Variants in ZNF594 observed in about 807,000 individuals in gnomAD.
ZNF594 encodes zinc finger protein 594.
For missense variants in ZNF594, 1,037 were observed against 964.6 expected, an observed-to-expected ratio of 1.08 and a Z score of -0.99; for synonymous variants, 336 against 309.4, an observed-to-expected ratio of 1.09 and a Z score of -0.90.
Position 5,182,074 on chromosome 17 carries a change from C to G in ZNF594, c.2183G>C (p.Arg728Thr). The change falls in exon 2 of 2, where the codon AGA (arginine) becomes ACA (threonine). Residue 728 changes from arginine to threonine, a missense_variant. Arg to Thr is a moderately conservative substitution (Grantham distance 71). Coordinates refer to ENST00000575779, the MANE Select transcript of ZNF594 (RefSeq NM_032530.2). ...MWHTAFLKHQRLHAGEKLEEC... is the reference protein window; with the variant it reads ...MWHTAFLKHQTLHAGEKLEEC... The stretch of plus-strand genomic sequence containing the variant: ...TTCAAGTTTCTCTCCAGCATGCAGT[C>G]TCTGATGTTTGAGGAAAGCCGTGTG... 1 of 1,613,690 alleles carries G rather than the reference C, an allele frequency of 6.2e-7. No individual in the cohort carries two copies. The highest frequency in any genetic ancestry group is 1.1e-5 in the South Asian group (1 of 91,074).
downstream of ZNF594, among the ~76,000 whole-genome samples, chr17:5,177,705 A>G (rs1462603191): frequency 6.6e-6 from 1 of 152,052 alleles, no homozygotes; most frequent in Admixed American, 6.6e-5. Flanking sequence ...GGGTGGTGGC[A>G]CGCACCTGTA....
chr17:5,183,661 A>C lies in ZNF594; in HGVS notation c.596T>G (p.Val199Gly), dbSNP rs3853648. 5.5e-3 allele frequency: 8,869 copies of C among 1,614,144 alleles called. 396 individuals carry two copies. The African/African-American group carries it at 0.099, about 18-fold the overall frequency. Residue 199 changes from valine to glycine, a missense_variant, in exon 2 of 2, where the codon GTG becomes GGG. By Grantham distance (109) the Val-to-Gly change is moderately radical. Coordinates refer to ENST00000575779, the MANE Select transcript of ZNF594 (RefSeq NM_032530.2). ...GKDFNQSSNL[V>G]RHKQIHSGGN... The stretch of plus-strand genomic sequence containing the variant: ...ACCACTGTGAATTTGCTTATGTCTC[A>C]CCAGATTGGAGCTCTGATTGAAGTC...
chr17:5,181,615 A>T lies in ZNF594; in HGVS notation c.*218T>A. ...TGAATAAGGAGTGAACGCCGCCTGAAGGCTTTTTCACATTCAGTGCACTGA... is the reference window on the plus strand; with the variant it reads ...TGAATAAGGAGTGAACGCCGCCTGATGGCTTTTTCACATTCAGTGCACTGA... On this transcript the variant is annotated 3_prime_UTR_variant, in exon 2 of 2. Transcript: ENST00000575779. 6.2e-7 allele frequency: 1 copy of T among 1,604,684 alleles called. No individual in the cohort carries two copies. The highest frequency in any genetic ancestry group is 1.7e-5 in the Admixed American group (1 of 60,004).
chr17:5,190,229 G>A (rs958441541), intron 1 of ZNF594, among the ~76,000 whole-genome samples: 8 of 152,128 alleles, frequency 5.3e-5, no homozygotes, highest in South Asian at 2.1e-4. Context: ...TTAGCTGGGC[G>A]TGGTGGCACA....
chr17:5,179,274 G>A (rs1021805165), downstream of ZNF594, among the ~76,000 whole-genome samples: 18 of 146,466 alleles, frequency 1.2e-4, no homozygotes, highest in African/African-American at 3.0e-4. Flanking sequence ...TCACCAGGCC[G>A]GAGACGTTGG....
the ZNF594 span, chr17:5,174,131 T>A: frequency 6.0e-5 from 12 of 199,938 alleles, no homozygotes; most frequent in Admixed American, 3.6e-4. Flanking sequence ...TGTCTTTTTT[T>A]AAATTTTACA....
intron 1 of ZNF594, among the ~76,000 whole-genome samples, chr17:5,186,851 C>T (rs2074389328): frequency 6.6e-6 from 1 of 152,218 alleles, no homozygotes. Context: ...CACCTCTGCT[C>T]CAGTTCCCGA....
chr17:5,180,834 C>A lies in ZNF594; in HGVS notation c.*999G>T. ...TCCAGTAGGTATTTTCTCTGCTTTC[C>A]CACCTTCCCATGGTTTTTTTCTAAT... On this transcript the variant is annotated 3_prime_UTR_variant, in exon 2 of 2. Coordinates refer to ENST00000575779, the MANE Select transcript of ZNF594 (RefSeq NM_032530.2). 1 of 405,018 alleles carries A rather than the reference C, an allele frequency of 2.5e-6. No homozygotes were observed. 25.1% of individuals were successfully genotyped at this position (405,018 alleles called of 1,614,324 possible). A position where few individuals can be genotyped will look rare whatever the true frequency, so the allele number is the denominator to read the frequency against.
Position 5,181,583 on chromosome 17 carries a change from C to T in ZNF594, c.*250G>A, listed in dbSNP as rs1233586570. On this transcript the variant is annotated 3_prime_UTR_variant, in exon 2 of 2. Coordinates refer to ENST00000575779, the MANE Select transcript of ZNF594 (RefSeq NM_032530.2). ...AGGGTTTCTCACCACTATGAATTCT[C>T]CGACGTTGAATAAGGAGTGAACGCC... 5.0e-6 allele frequency: 8 copies of T among 1,613,456 alleles called. No individual in the cohort carries two copies. In the East Asian group the frequency reaches 1.8e-4, roughly 36 times the overall value.
intron 1 of ZNF594, among the ~76,000 whole-genome samples, chr17:5,185,356 A>C (rs1284166663): frequency 1.3e-5 from 2 of 152,212 alleles, no homozygotes; most frequent in African/African-American, 4.8e-5. Flanking sequence ...ACCCCTGATA[A>C]AATCATCAGA....
chr17:5,178,683 T>C (rs1453996984), downstream of ZNF594, among the ~76,000 whole-genome samples: 4 of 152,198 alleles, frequency 2.6e-5, no homozygotes, highest in South Asian at 6.2e-4. Context: ...CATAACTACA[T>C]GTACATAAGT....
chr17:5,182,743 T>C lies in ZNF594; in HGVS notation c.1514A>G (p.Gln505Arg). 6.2e-7 allele frequency: 1 copy of C among 1,613,936 alleles called. No individual in the cohort carries two copies. The highest frequency in any genetic ancestry group is 8.5e-7 in the Non-Finnish European group (1 of 1,179,974). The stretch of plus-strand genomic sequence containing the variant: ...CTCACCACTATGAATTCTCCGATGT[T>C]GAATAAGGAGTGAACGCCGCCTGAA... ...KAFRRRSLLI[Q>R]HRRIHSGEKP... The change falls in exon 2 of 2, where the codon CAA (glutamine) becomes CGA (arginine). Residue 505 changes from glutamine (Q) to arginine (R), a missense_variant. Physicochemically the swap from Gln to Arg is conservative, Grantham distance 43. Transcript: ENST00000575779.
At chr17:5,177,900 C>T (rs540227195), downstream of ZNF594, among the ~76,000 whole-genome samples, 2 of 152,116 alleles carry the variant, frequency 1.3e-5, no homozygotes, top group South Asian at 2.1e-4. Flanking sequence ...AACAAGAAAA[C>T]TCCTACATAT....
At chr17:5,185,108 C>T (rs921558331) in intron 1 of ZNF594, among the ~76,000 whole-genome samples, 1 of 152,186 alleles carries the variant, frequency 6.6e-6, no homozygotes, top group African/African-American at 2.4e-5. Flanking sequence ...TCTGAAATTA[C>T]AAGATAGATG....
At chr17:5,177,512 C>T (rs2074314817), downstream of ZNF594, among the ~76,000 whole-genome samples, 1 of 152,110 alleles carries the variant, frequency 6.6e-6, no homozygotes, top group Non-Finnish European at 1.5e-5. Context: ...GAGTTCGAGA[C>T]CAGCCTGGCC....
At chr17:5,189,878 G>GA (rs1386307706) in intron 1 of ZNF594, among the ~76,000 whole-genome samples, 1 of 152,078 alleles carries the variant, frequency 6.6e-6, no homozygotes, top group East Asian at 1.9e-4. Flanking sequence ...CAATGCTGAG[G>GA]AAAGAAATGG....
rs1163510947 is a variant in ZNF594, at chr17:5,182,189, T to C, written c.2068A>G (p.Arg690Gly). The change falls in exon 2 of 2, where the codon AGG (arginine) becomes GGG (glycine). Residue 690 changes from arginine (R) to glycine (G), a missense_variant. Physicochemically the swap from Arg to Gly is moderately radical, Grantham distance 125 (BLOSUM62 -2). Transcript: ENST00000575779. Reference protein sequence around the residue: ...YQCSECGNAFRRRSLLIQHRR... With the variant: ...YQCSECGNAFGRRSLLIQHRR... ...TGTTGAATAAGGAGGGAACGCCGCC[T>C]GAAGGCATTCCCACATTCACTGCAC... 1 of 1,613,494 alleles carries C rather than the reference T, an allele frequency of 6.2e-7. No homozygotes were observed. The highest frequency in any genetic ancestry group is 8.5e-7 in the Non-Finnish European group (1 of 1,179,990).
chr17:5,184,261 T>C lies in ZNF594; in HGVS notation c.-5A>G. ...CTTTGATTTCCATTCCTTCATCTTA[T>C]TCCTGTCTTCAGAATCTGAAATGAT... On this transcript the variant is annotated 5_prime_UTR_variant, in exon 2 of 2. Transcript: ENST00000575779. 6.2e-7 allele frequency: 1 copy of C among 1,606,794 alleles called. No individual in the cohort carries two copies. The highest frequency in any genetic ancestry group is 8.5e-7 in the Non-Finnish European group (1 of 1,177,480).
Position 5,186,378 on chromosome 17 carries a change from G to A in ZNF594, c.-20-2102C>T, listed in dbSNP as rs545053989. On this transcript the variant is annotated intron_variant, in intron 1 of 1. Transcript: ENST00000575779. ...GCCCCTTTCAGCCATGGCTAGAGCG[G>A]CTGGGATGCAGCGCACCAAGTCCCT... Among the ~76,000 whole-genome samples the A allele has an allele frequency of 1.6e-4, 25 of 152,354 alleles. No individual in the cohort carries two copies. In the East Asian group the frequency reaches 3.7e-3, roughly 22 times the overall value.
Sources: allele counts gnomAD v4.1 joint callset (sites outside exome capture counted in the v4.1 genomes callset), GRCh38; gene constraint gnomAD v4.1.1; transcripts MANE v1.5; gene names NCBI Gene and HGNC (gene_info 2026-07-23, HGNC 2026-07-21).